Variants in EDIL3 observed in about 807,000 individuals in gnomAD.
EDIL3 encodes the protein EGF-like repeat and discoidin I-like domain-containing protein 3.
A neutral mutation model predicts 67.4 loss-of-function variants in EDIL3; 37 were observed. That is an observed-to-expected ratio of 0.55 (90% CI 0.42 to 0.72). EDIL3 has a LOEUF of 0.72. Among genes scored for constraint, EDIL3 ranks in the 30% least tolerant of loss-of-function variants. The pLI is 0.00. For synonymous variants in EDIL3, 195 were observed against 196.3 expected (o/e 0.99, Z 0.05); for missense variants, 527 against 586.3 (o/e 0.90, Z 1.04).
chr5:84,256,009 T>C (rs1056702546), intron 1 of EDIL3, among the ~76,000 whole-genome samples: 3 of 152,154 alleles, frequency 2.0e-5, no homozygotes. Context: ...AGTTTGGACA[T>C]GGTCAGATCT....
At chr5:84,283,944 T>C (rs866647796) in intron 1 of EDIL3, among the ~76,000 whole-genome samples, 1 of 152,240 alleles carries the variant, frequency 6.6e-6, no homozygotes, top group South Asian at 2.1e-4. Flanking sequence ...GAGGAGCCCC[T>C]TCCTCTCATT....
chr5:84,076,546 C>T (rs910377220), intron 6 of EDIL3, among the ~76,000 whole-genome samples: 36 of 152,002 alleles, frequency 2.4e-4, no homozygotes, highest in African/African-American at 6.3e-4. Context: ...CACCGAGCTA[C>T]GTAGATTTTC....
At chr5:84,312,609 C>T (rs1746428743) in intron 1 of EDIL3, among the ~76,000 whole-genome samples, 1 of 143,058 alleles carries the variant, frequency 7.0e-6, no homozygotes, top group Admixed American at 6.8e-5. Flanking sequence ...GGGCGGGGGG[C>T]TGACCCCCCC....
In EDIL3 at chr5:84,298,914, T is replaced by G. The variant is rs184017847; in HGVS notation, c.68-44702A>C. Among the ~76,000 whole-genome samples, 948 of 152,302 alleles carry G rather than the reference T, an allele frequency of 6.2e-3. 6 individuals are homozygous for G. The highest frequency in any genetic ancestry group is 0.021 in the African/African-American group (881 of 41,554). ...GCGCATCAAGGATCAGCCCTGTGGC[T>G]GCTTCTTCATCCTCTACTACATCCT... On this transcript the variant is annotated intron_variant, in intron 1 of 10. Transcript: ENST00000296591.
At chr5:84,149,059 T>C (rs888749569) in intron 4 of EDIL3, among the ~76,000 whole-genome samples, 8 of 149,824 alleles carry the variant, frequency 5.3e-5, no homozygotes, top group Admixed American at 5.3e-4. Context: ...GGACTCTCCC[T>C]CTTGGGCCAT....
chr5:84,081,568 T>A (rs557678583), intron 6 of EDIL3, among the ~76,000 whole-genome samples: 1 of 152,100 alleles, frequency 6.6e-6, no homozygotes, highest in Admixed American at 6.6e-5. Flanking sequence ...AAGTCTTTAA[T>A]GCACAATCTC....
intron 1 of EDIL3, among the ~76,000 whole-genome samples, chr5:84,326,865 T>C (rs1351858621): frequency 2.0e-5 from 3 of 152,086 alleles, no homozygotes; most frequent in African/African-American, 7.2e-5. Context: ...TGTATTTATC[T>C]TTCATTGTTT....
At chr5:84,279,076 T>C (rs1035175153) in intron 1 of EDIL3, among the ~76,000 whole-genome samples, 1 of 152,182 alleles carries the variant, frequency 6.6e-6, no homozygotes, top group African/African-American at 2.4e-5. Flanking sequence ...ATAATGCCTG[T>C]AAAGTAACTG....
rs191242390 is a variant in EDIL3 at position 84,384,728 on chromosome 5, A to C, written c.-354T>G. 4.2e-3 allele frequency: 667 copies of C among 157,198 alleles called. 5 individuals are homozygous for C. Among genetic ancestry groups the C allele is most frequent in the African/African-American group, 0.015 (616 of 41,662 alleles). The allele number at this position is 157,198 out of a possible 1,614,324, so 9.7% of individuals were successfully genotyped here. The stretch of plus-strand genomic sequence containing the variant: ...GTCTGCTGCGCGGGCAGGCAGACCC[A>C]CCGGCAGACAGGCGGACCGGGCGCT... On this transcript the variant is annotated 5_prime_UTR_variant, in exon 1 of 11. Coordinates refer to ENST00000296591, the MANE Select transcript of EDIL3 (RefSeq NM_005711.5).
chr5:83,990,694 A>G (rs1745134783), intron 9 of EDIL3, among the ~76,000 whole-genome samples: 1 of 151,934 alleles, frequency 6.6e-6, no homozygotes, highest in Admixed American at 6.6e-5. Flanking sequence ...CAGCCTGCCC[A>G]ACATGGTGAA....
At chr5:84,130,149 T>A (rs547302076) in intron 5 of EDIL3, among the ~76,000 whole-genome samples, 19 of 152,280 alleles carry the variant, frequency 1.2e-4, no homozygotes, top group Non-Finnish European at 1.0e-4. Flanking sequence ...TCATGCCACT[T>A]TCCTAACTCC....
intron 1 of EDIL3, among the ~76,000 whole-genome samples, chr5:84,350,069 T>C (rs1747324004): frequency 6.6e-6 from 1 of 152,110 alleles, no homozygotes; most frequent in Non-Finnish European, 1.5e-5. Context: ...GATCTTGTTG[T>C]CTAACCCAGG....
intron 4 of EDIL3, among the ~76,000 whole-genome samples, chr5:84,161,778 A>T (rs1580355399): frequency 6.6e-6 from 1 of 152,122 alleles, no homozygotes; most frequent in South Asian, 2.1e-4. Flanking sequence ...TAAAATTCAC[A>T]GTCTGGGTCA....
chr5:84,205,231 T>A (rs1743942881), intron 3 of EDIL3, among the ~76,000 whole-genome samples: 1 of 152,106 alleles, frequency 6.6e-6, no homozygotes, highest in African/African-American at 2.4e-5. Context: ...AAATAGTAAC[T>A]TTCTAATAAC....
chr5:84,040,199 T>C (rs555925864), intron 9 of EDIL3, among the ~76,000 whole-genome samples: 2 of 152,334 alleles, frequency 1.3e-5, no homozygotes, highest in Non-Finnish European at 1.5e-5. Flanking sequence ...CTATGAAATG[T>C]ATCAGTGAAT....
intron 1 of EDIL3, among the ~76,000 whole-genome samples, chr5:84,376,851 C>G (rs1747977722): frequency 6.6e-6 from 1 of 152,126 alleles, no homozygotes; most frequent in African/African-American, 2.4e-5. Context: ...GAAACAAGAA[C>G]TTGGTATATA....
At chr5:83,950,010 G>A (rs1427351773) in intron 10 of EDIL3, among the ~76,000 whole-genome samples, 1 of 151,748 alleles carries the variant, frequency 6.6e-6, no homozygotes, top group African/African-American at 2.4e-5. Flanking sequence ...AAATGTAGGA[G>A]CTTCCACAAA....
At chr5:84,126,276 TCATCTA>T (rs1747868086) in intron 5 of EDIL3, among the ~76,000 whole-genome samples, 1 of 152,080 alleles carries the variant, frequency 6.6e-6, no homozygotes, top group Admixed American at 6.6e-5. Context: ...TCCAAAAGCT[TCATCTA>T]CATTATTTTG....
At chr5:84,259,451 A>G (rs1253693314) in intron 1 of EDIL3, among the ~76,000 whole-genome samples, 1 of 152,196 alleles carries the variant, frequency 6.6e-6, no homozygotes, top group Non-Finnish European at 1.5e-5. Flanking sequence ...ACCTGCTTAG[A>G]TTAGGACAGA....
Sources: gnomAD v4.1 joint callset for allele counts (sites outside exome capture counted in the v4.1 genomes callset) on GRCh38, gnomAD v4.1.1 for gene constraint, MANE v1.5 for transcripts, NCBI Gene and HGNC (gene_info 2026-07-23, HGNC 2026-07-21) for gene names.